The following IGFBP2 variants were observed in gnomAD, a reference collection of about 807,000 sequenced individuals.
IGFBP2 encodes insulin like growth factor binding protein 2.
Under a neutral mutation model 26.2 loss-of-function variants are expected in IGFBP2, and 12 were observed. The observed-to-expected ratio is 0.46, with a 90% confidence interval of 0.29 to 0.74. The LOEUF (loss-of-function observed/expected upper bound fraction) is 0.74, where lower values mean the gene tolerates loss of function less well. Among genes scored for constraint, IGFBP2 ranks in the 30% least tolerant of loss-of-function variants. IGFBP2 has a pLI of 0.09. For synonymous variants in IGFBP2, 189 were observed against 200.6 expected, an observed-to-expected ratio of 0.94 and a Z score of 0.49; for missense variants, 328 against 441.2, an observed-to-expected ratio of 0.74 and a Z score of 2.30.
intron 1 of IGFBP2, among the ~76,000 whole-genome samples, chr2:216,634,685 CG>C (rs1377792974): frequency 6.6e-6 from 1 of 152,146 alleles, no homozygotes; most frequent in Non-Finnish European, 1.5e-5. Context: ...ATTCCCTGGA[CG>C]GGGGCAGCCA....
chr2:216,652,359 A>G (rs997568163), intron 1 of IGFBP2, among the ~76,000 whole-genome samples: 1 of 152,122 alleles, frequency 6.6e-6, no homozygotes, highest in African/African-American at 2.4e-5. Context: ...TATTTTTAGT[A>G]GAGACGGTGT....
intron 1 of IGFBP2, among the ~76,000 whole-genome samples, chr2:216,651,718 A>G (rs768726630): frequency 1.3e-5 from 2 of 152,352 alleles, no homozygotes; most frequent in South Asian, 2.1e-4. Context: ...CATGGCAGAT[A>G]TAACTTTTAT....
intron 3 of IGFBP2, chr2:216,663,403 GT>G (rs1688697374): frequency 6.6e-6 from 1 of 152,358 alleles, no homozygotes; most frequent in Admixed American, 6.5e-5. Flanking sequence ...TAGCCCATCT[GT>G]GCTTCAGTTT....
At chr2:216,643,952 G>C (rs184994377) in intron 1 of IGFBP2, among the ~76,000 whole-genome samples, 1 of 152,056 alleles carries the variant, frequency 6.6e-6, no homozygotes, top group East Asian at 1.9e-4. Context: ...TTCTTCTGGA[G>C]AATGGACCAT....
At chr2:216,642,630 G>T (rs1209898826) in intron 1 of IGFBP2, among the ~76,000 whole-genome samples, 2 of 152,170 alleles carry the variant, frequency 1.3e-5, no homozygotes, top group African/African-American at 2.4e-5. Context: ...TAATGGATTA[G>T]TTGGGCAGTG....
chr2:216,636,281 C>G (rs560098632), intron 1 of IGFBP2, among the ~76,000 whole-genome samples: 11 of 152,200 alleles, frequency 7.2e-5, no homozygotes, highest in Admixed American at 3.3e-4. Context: ...GAGCACCCCC[C>G]CTCCAGCCTG....
chr2:216,654,084 A>T (rs1186488221), intron 1 of IGFBP2, among the ~76,000 whole-genome samples: 1 of 152,188 alleles, frequency 6.6e-6, no homozygotes, highest in Non-Finnish European at 1.5e-5. Context: ...GGCAGAAAAA[A>T]AATACAACTT....
At chr2:216,641,399 T>C (rs1181826907) in intron 1 of IGFBP2, among the ~76,000 whole-genome samples, 1 of 152,180 alleles carries the variant, frequency 6.6e-6, no homozygotes, top group Non-Finnish European at 1.5e-5. Context: ...TTGATAGTAT[T>C]TCATTGGGTC....
intron 1 of IGFBP2, among the ~76,000 whole-genome samples, chr2:216,654,185 G>A (rs986655127): frequency 2.3e-4 from 35 of 152,138 alleles, no homozygotes; most frequent in Admixed American, 2.6e-4. Flanking sequence ...GCCTATAAGA[G>A]GATATATGGG....
Position 216,653,047 on chromosome 2 carries a change from G to A in IGFBP2, c.443-7510G>A, listed in dbSNP as rs573108278. Among the ~76,000 whole-genome samples the A allele has an allele frequency of 7.2e-5, 11 of 152,336 alleles. No individual in the cohort carries two copies. In the South Asian group the frequency reaches 1.2e-3, roughly 17 times the overall value. On this transcript the variant is annotated intron_variant, in intron 1 of 3. Coordinates refer to ENST00000233809, the MANE Select transcript of IGFBP2 (RefSeq NM_000597.3). Reference sequence around the variant, plus strand: ...AGAATAAAGAAAAGAAGAAAGAAGAGAGACACATGAGCTGTTAGGAAGATG... The same window carrying A: ...AGAATAAAGAAAAGAAGAAAGAAGAAAGACACATGAGCTGTTAGGAAGATG...
chr2:216,650,578 G>A (rs1697799863), intron 1 of IGFBP2, among the ~76,000 whole-genome samples: 1 of 152,344 alleles, frequency 6.6e-6, no homozygotes, highest in South Asian at 2.1e-4. Context: ...AGTAGCCTGT[G>A]CCTGTTGGGC....
intron 2 of IGFBP2, 32 bp from the exon 3 acceptor site, chr2:216,661,826 C>T (rs1688655721): frequency 1.2e-6 from 2 of 1,613,608 alleles, no homozygotes; most frequent in Non-Finnish European, 1.7e-6. Flanking sequence ...GCTGTCCTCA[C>T]TCCGGGCGTC....
intron 1 of IGFBP2, among the ~76,000 whole-genome samples, chr2:216,639,562 GT>G (rs34865196): frequency 8.7e-5 from 13 of 149,452 alleles, no homozygotes; most frequent in African/African-American, 2.2e-4. Flanking sequence ...AAAAAAGCTT[GT>G]TTTTTTTTTG....
Position 216,649,227 on chromosome 2 carries a change from A to G in IGFBP2, c.443-11330A>G, listed in dbSNP as rs1697771980. On this transcript the variant is annotated intron_variant, in intron 1 of 3. Coordinates refer to ENST00000233809, the MANE Select transcript of IGFBP2 (RefSeq NM_000597.3). The stretch of plus-strand genomic sequence containing the variant: ...TCCCTCTTAACATTAGGTGTCTGAG[A>G]TCTAATGTTGACATCCATAGGTCAG... Among the ~76,000 whole-genome samples, 3 of 152,248 alleles carry G rather than the reference A, an allele frequency of 2.0e-5. No individual in the cohort carries two copies. In the South Asian group the frequency reaches 6.2e-4, roughly 32 times the overall value.
At chr2:216,642,546 T>A (rs1473024765) in intron 1 of IGFBP2, among the ~76,000 whole-genome samples, 2 of 152,028 alleles carry the variant, frequency 1.3e-5, no homozygotes. Flanking sequence ...GACCTTGTGA[T>A]CCGCCCGCCT....
intron 1 of IGFBP2, among the ~76,000 whole-genome samples, chr2:216,639,534 C>T (rs146601250): frequency 2.3e-3 from 349 of 150,152 alleles, no homozygotes; most frequent in African/African-American, 8.3e-3. Context: ...TACTAGAAGA[C>T]TGTACCCAAA....
intron 1 of IGFBP2, among the ~76,000 whole-genome samples, chr2:216,635,758 G>T (rs972543548): frequency 6.6e-6 from 1 of 152,076 alleles, no homozygotes; most frequent in Admixed American, 6.6e-5. Flanking sequence ...TGAAGGGGGT[G>T]GGGGGTAGTT....
intron 3 of IGFBP2, 145 bp from the exon 4 acceptor site, chr2:216,663,795 C>T: frequency 1.3e-6 from 1 of 744,644 alleles, no homozygotes; most frequent in South Asian, 2.1e-5. Context: ...ATCAAGGTTT[C>T]CTGGCGCATA....
chr2:216,651,540 C>A (rs546077786), intron 1 of IGFBP2, among the ~76,000 whole-genome samples: 1 of 152,280 alleles, frequency 6.6e-6, no homozygotes, highest in South Asian at 2.1e-4. Context: ...TTAAGGACTT[C>A]TATTAAATGG....
Sources: gnomAD v4.1 joint callset for allele counts (sites outside exome capture counted in the v4.1 genomes callset) on GRCh38, gnomAD v4.1.1 for gene constraint, MANE v1.5 for transcripts, NCBI Gene and HGNC (gene_info 2026-07-23, HGNC 2026-07-21) for gene names.